Variants in ADAMTS3 observed in about 807,000 individuals in gnomAD.
The protein encoded by ADAMTS3 is ADAM metallopeptidase with thrombospondin type 1 motif 3.
ADAMTS3 carries 73 observed loss-of-function variants against 129.0 expected under a neutral mutation model. The observed-to-expected ratio is 0.57, with a 90% CI of 0.47 to 0.69. ADAMTS3 has a LOEUF of 0.69. ADAMTS3 is among the 30% of genes least tolerant of loss of function. ADAMTS3 has a pLI of 0.00. For missense variants in ADAMTS3, 1,457 were observed against 1,514.5 expected (o/e 0.96, Z 0.63); for synonymous variants, 477 against 510.8 (o/e 0.93, Z 0.89).
intron 3 of ADAMTS3, among the ~76,000 whole-genome samples, chr4:72,422,057 AT>A (rs1028677467): frequency 6.6e-6 from 1 of 152,178 alleles, no homozygotes; most frequent in Non-Finnish European, 1.5e-5. Flanking sequence ...GGTCTGCAAC[AT>A]TTTATTTCAC....
chr4:72,517,000 G>A (rs1169626191), intron 3 of ADAMTS3, among the ~76,000 whole-genome samples: 1 of 152,114 alleles, frequency 6.6e-6, no homozygotes, highest in Non-Finnish European at 1.5e-5. Flanking sequence ...AATATTTTGA[G>A]ATACATCCCA....
At position 72,315,916 on chromosome 4, in the gene ADAMTS3, T is replaced by C. The variant is rs1476107364; in HGVS notation, c.1541A>G (p.Tyr514Cys). 3.1e-6 allele frequency: 5 copies of C among 1,613,548 alleles called. No individual in the cohort carries two copies. Among genetic ancestry groups the C allele is most frequent in the African/African-American group, 1.3e-5 (1 of 74,896 alleles). The change falls in exon 11 of 22, where the codon TAC becomes TGC. Residue 514 changes from tyrosine to cysteine, a missense_variant. Transcript: ENST00000286657. The part of the protein sequence containing the change: ...QLWCSHPDNP[Y>C]FCKTKKGPPL... ...AGGTCCCTTTTTAGTCTTACAAAAG[T>C]AGGGATTATCAGGATGGCTACACCA...
At chr4:72,408,721 C>T (rs1348403173) in intron 4 of ADAMTS3, among the ~76,000 whole-genome samples, 3 of 145,956 alleles carry the variant, frequency 2.1e-5, no homozygotes, top group Non-Finnish European at 4.5e-5. Flanking sequence ...AAAAGAAGTA[C>T]AGGCTTTAAA....
At chr4:72,317,497 A>G (rs190389183) in intron 10 of ADAMTS3, among the ~76,000 whole-genome samples, 11 of 151,676 alleles carry the variant, frequency 7.3e-5, no homozygotes, top group Non-Finnish European at 1.5e-4. Context: ...ATGAATTACT[A>G]AAGACCAATG....
intron 3 of ADAMTS3, among the ~76,000 whole-genome samples, chr4:72,522,946 C>T (rs1720712074): frequency 6.6e-6 from 1 of 151,940 alleles, no homozygotes; most frequent in Non-Finnish European, 1.5e-5. Flanking sequence ...GTCATAAAAA[C>T]ATAAAACATG....
At position 72,455,932 on chromosome 4, in the gene ADAMTS3, A is replaced by ATG. The variant is rs1553916095; in HGVS notation, c.505-40962_505-40961insCA. On this transcript the variant is annotated intron_variant, in intron 3 of 21. Coordinates refer to ENST00000286657, the MANE Select transcript of ADAMTS3 (RefSeq NM_014243.3). Reference sequence around the variant, plus strand: ...ACTGTATATATACTATATATATTTTATATATAGTATATATACAGTATATAT... The same window carrying ATG: ...ACTGTATATATACTATATATATTTTATGTATATAGTATATATACAGTATATAT... 9.7e-3 allele frequency among the ~76,000 whole-genome samples: 1,055 copies of ATG among 109,224 alleles called. 59 individuals are homozygous for ATG. The highest frequency in any genetic ancestry group is 0.012 in the Non-Finnish European group (669 of 57,018). The allele number at this position is 109,224 out of a possible 152,430, so 71.7% of individuals were successfully genotyped here. A position where few individuals can be genotyped will look rare whatever the true frequency, so the allele number is the denominator to read the frequency against.
At chr4:72,518,608 T>C (rs960608153) in intron 3 of ADAMTS3, among the ~76,000 whole-genome samples, 1 of 152,162 alleles carries the variant, frequency 6.6e-6, no homozygotes, top group African/African-American at 2.4e-5. Context: ...TCTTTGTCTC[T>C]TTTGATCTTT....
chr4:72,388,859 G>A (rs1721512165), intron 4 of ADAMTS3, among the ~76,000 whole-genome samples: 1 of 152,166 alleles, frequency 6.6e-6, no homozygotes, highest in Admixed American at 6.5e-5. Context: ...AGGAAGGCCA[G>A]CACAAGCTTC....
chr4:72,555,661 T>G (rs1389805867), intron 2 of ADAMTS3, among the ~76,000 whole-genome samples: 1 of 151,826 alleles, frequency 6.6e-6, no homozygotes, highest in African/African-American at 2.4e-5. Context: ...AAATATAATA[T>G]CTTAACTATG....
chr4:72,376,422 G>A lies in ADAMTS3; in HGVS notation c.662-36729C>T, dbSNP rs1369094. ...ACAATTGTTCCAAATCAGCATGGAC[G>A]TTCAATAAATATCCATTATTGTGGA... On this transcript the variant is annotated intron_variant, in intron 4 of 21. Coordinates refer to ENST00000286657, the MANE Select transcript of ADAMTS3 (RefSeq NM_014243.3). 6.4e-3 allele frequency among the ~76,000 whole-genome samples: 969 copies of A among 152,222 alleles called. 14 individuals carry two copies. The highest frequency in any genetic ancestry group is 0.022 in the African/African-American group (933 of 41,540).
intron 4 of ADAMTS3, among the ~76,000 whole-genome samples, chr4:72,382,879 G>A (rs1015743841): frequency 1.1e-4 from 17 of 152,142 alleles, no homozygotes; most frequent in African/African-American, 4.1e-4. Context: ...CAAAAGTGGG[G>A]AGGGTAGGAG....
At chr4:72,373,732 CTACAAAAAA>C (rs1339146522) in intron 4 of ADAMTS3, among the ~76,000 whole-genome samples, 1 of 151,784 alleles carries the variant, frequency 6.6e-6, no homozygotes, top group Non-Finnish European at 1.5e-5. Flanking sequence ...AACCCCGTCT[CTACAAAAAA>C]TACAAAAAAT....
intron 10 of ADAMTS3, among the ~76,000 whole-genome samples, chr4:72,317,400 T>C (rs1286101287): frequency 6.6e-6 from 1 of 151,784 alleles, no homozygotes; most frequent in Non-Finnish European, 1.5e-5. Context: ...AATTTCTTTC[T>C]AGCCCCATGA....
chr4:72,536,143 T>C (rs1360462876), intron 3 of ADAMTS3, among the ~76,000 whole-genome samples: 1 of 152,130 alleles, frequency 6.6e-6, no homozygotes, highest in Non-Finnish European at 1.5e-5. Context: ...TCTATCATGG[T>C]TATTATATTT....
intron 3 of ADAMTS3, among the ~76,000 whole-genome samples, chr4:72,425,889 G>A (rs1164411031): frequency 6.6e-6 from 1 of 151,664 alleles, no homozygotes; most frequent in African/African-American, 2.4e-5. Flanking sequence ...TCTAGTTCTA[G>A]ATCCCTGAGG....
chr4:72,507,016 G>A (rs756425930), intron 3 of ADAMTS3, among the ~76,000 whole-genome samples: 1 of 152,166 alleles, frequency 6.6e-6, no homozygotes, highest in African/African-American at 2.4e-5. Flanking sequence ...AGACTGTAGT[G>A]TACCACTCCA....
intron 6 of ADAMTS3, 102 bp from the exon 7 acceptor site, chr4:72,320,972 A>G: frequency 8.3e-7 from 1 of 1,209,050 alleles, no homozygotes; most frequent in Non-Finnish European, 1.2e-6. Flanking sequence ...TATTTAAACA[A>G]TGATTCAATA....
At chr4:72,359,001 A>T (rs1052594271) in intron 4 of ADAMTS3, among the ~76,000 whole-genome samples, 2 of 151,994 alleles carry the variant, frequency 1.3e-5, no homozygotes, top group African/African-American at 2.4e-5. Flanking sequence ...AGAAAAAAGA[A>T]AACATAAACA....
intron 2 of ADAMTS3, among the ~76,000 whole-genome samples, chr4:72,555,627 GA>G (rs1367543192): frequency 1.3e-5 from 2 of 151,798 alleles, no homozygotes; most frequent in African/African-American, 4.9e-5. Flanking sequence ...CATCCTTTCA[GA>G]AACTATAAGA....
Sources: gnomAD v4.1 joint callset for allele counts (sites outside exome capture counted in the v4.1 genomes callset) on GRCh38, gnomAD v4.1.1 for gene constraint, MANE v1.5 for transcripts, NCBI Gene and HGNC (gene_info 2026-07-23, HGNC 2026-07-21) for gene names.